Variants in BLTP1 observed in about 807,000 individuals in gnomAD.
The protein encoded by BLTP1 is fragile site-associated protein.
chr4:122,195,328 T>C, the BLTP1 span, among the ~76,000 whole-genome samples: 1 of 152,240 alleles, frequency 6.6e-6, no homozygotes, highest in Non-Finnish European at 1.5e-5. Flanking sequence ...TGTTTTCTTT[T>C]TATGAATTTT....
the BLTP1 span, chr4:122,267,018 A>T: frequency 1.3e-6 from 1 of 764,134 alleles, no homozygotes; most frequent in Non-Finnish European, 2.0e-6. Flanking sequence ...TTGTTTTTTA[A>T]CGTTACTTTC....
At chr4:122,180,063 C>G in the BLTP1 span, 1 of 984,394 alleles carries the variant, frequency 1.0e-6, no homozygotes, top group Non-Finnish European at 1.2e-6. Flanking sequence ...CACACACACA[C>G]ACACACACAC....
the BLTP1 span, chr4:122,281,427 C>T: frequency 2.2e-6 from 3 of 1,382,490 alleles, no homozygotes; most frequent in Admixed American, 6.9e-5. Context: ...AAGAAAACAT[C>T]TATTCACAGT....
the BLTP1 span, among the ~76,000 whole-genome samples, chr4:122,238,956 C>T: frequency 6.6e-6 from 1 of 152,070 alleles, no homozygotes; most frequent in African/African-American, 2.4e-5. Context: ...ATGTAAAACT[C>T]CAGCCAAAAC....
At chr4:122,237,907 C>T in the BLTP1 span, 4 of 234,890 alleles carry the variant, frequency 1.7e-5, no homozygotes, top group African/African-American at 5.0e-5. Context: ...CTCTTGAACC[C>T]GGGAGGCAGA....
chr4:122,213,166 A>G, the BLTP1 span, among the ~76,000 whole-genome samples: 1 of 152,054 alleles, frequency 6.6e-6, no homozygotes, highest in African/African-American at 2.4e-5. Context: ...TTGAGTAGCT[A>G]GGTCTACAGG....
At chr4:122,269,211 A>G in the BLTP1 span, 3 of 363,214 alleles carry the variant, frequency 8.3e-6, no homozygotes, top group South Asian at 1.1e-4. Flanking sequence ...GTTTTCATAT[A>G]TATAACTAGG....
At chr4:122,293,562 G>A in the BLTP1 span, among the ~76,000 whole-genome samples, 1 of 151,846 alleles carries the variant, frequency 6.6e-6, no homozygotes, top group Non-Finnish European at 1.5e-5. Context: ...CAGGGCCTTG[G>A]GTCCGAAGCA....
the BLTP1 span, among the ~76,000 whole-genome samples, chr4:122,195,024 C>T: frequency 1.5e-3 from 226 of 152,318 alleles, no homozygotes; most frequent in African/African-American, 5.2e-3. Context: ...TTCCTCTTCT[C>T]CTTCCCTGTA....
the BLTP1 span, chr4:122,190,158 G>C: frequency 1.3e-6 from 2 of 1,547,690 alleles, no homozygotes; most frequent in Non-Finnish European, 1.8e-6. Flanking sequence ...ATGCAGTGGC[G>C]TAATCATAGT....
chr4:122,209,927 A>C, the BLTP1 span: 1 of 1,611,772 alleles, frequency 6.2e-7, no homozygotes, highest in South Asian at 1.1e-5. Context: ...ACAATCATGT[A>C]AGTGTTTTTA....
the BLTP1 span, chr4:122,259,914 C>G: frequency 1.1e-6 from 1 of 940,400 alleles, no homozygotes; most frequent in Non-Finnish European, 1.3e-6. Context: ...CACATTGATA[C>G]CCAGAATCTG....
At chr4:122,174,280 G>T in the BLTP1 span, 3 of 985,114 alleles carry the variant, frequency 3.0e-6, no homozygotes, top group Non-Finnish European at 3.6e-6. Flanking sequence ...ACTACTTTGG[G>T]TTTATTTAAT....
At chr4:122,352,355 CTTTTTTT>C in the BLTP1 span, among the ~76,000 whole-genome samples, 64 of 111,710 alleles carry the variant, frequency 5.7e-4, 1 homozygote, top group East Asian at 2.1e-3. Flanking sequence ...TTTGGTTTTT[CTTTTTTT>C]TTTTTTTTTT....
chr4:122,236,198 A>G, the BLTP1 span, among the ~76,000 whole-genome samples: 2 of 152,342 alleles, frequency 1.3e-5, no homozygotes, highest in South Asian at 4.1e-4. Flanking sequence ...CTCTTAGAGG[A>G]AACAGCTGGA....
the BLTP1 span, chr4:122,249,348 C>T: frequency 3.0e-6 from 4 of 1,345,664 alleles, no homozygotes; most frequent in Non-Finnish European, 3.9e-6. Flanking sequence ...AGCTCATTTG[C>T]CTGTTTTTCT....
the BLTP1 span, among the ~76,000 whole-genome samples, chr4:122,283,858 G>C: frequency 5.9e-5 from 9 of 152,158 alleles, no homozygotes; most frequent in Non-Finnish European, 1.2e-4. Flanking sequence ...AGCCTGTTTA[G>C]ACTTTTGTAG....
the BLTP1 span, among the ~76,000 whole-genome samples, chr4:122,232,529 C>A: frequency 6.6e-6 from 1 of 152,034 alleles, no homozygotes; most frequent in Non-Finnish European, 1.5e-5. Context: ...ATCGCTGGAA[C>A]CTGGGAGGCG....
the BLTP1 span, among the ~76,000 whole-genome samples, chr4:122,275,421 T>A: frequency 6.6e-6 from 1 of 152,100 alleles, no homozygotes; most frequent in Admixed American, 6.6e-5. Context: ...TTATAATGCT[T>A]CTACTGAAAG....
Sources: allele counts gnomAD v4.1 joint callset (sites outside exome capture counted in the v4.1 genomes callset), GRCh38; gene constraint gnomAD v4.1.1; transcripts MANE v1.5; gene names NCBI Gene and HGNC (gene_info 2026-07-23, HGNC 2026-07-21).